ANKMY1: variants seen among roughly 807,000 people sequenced by gnomAD.
ANKMY1 encodes ankyrin repeat and MYND domain containing 1, also known as ankyrin repeat and MYND domain-containing protein 1.
In ANKMY1, 98 loss-of-function variants were observed where a neutral mutation model predicts 102.0. The observed-to-expected ratio is 0.96, with a 90% CI of 0.82 to 1.14. The LOEUF (loss-of-function observed/expected upper bound fraction) is 1.14, where lower values mean the gene tolerates loss of function less well. Among genes scored for constraint, ANKMY1 ranks in the 50% most tolerant of loss-of-function variants. The pLI is 0.00. For missense variants in ANKMY1, 1,330 were observed against 1,347.6 expected (o/e 0.99, Z 0.20); for synonymous variants, 582 against 559.9 (o/e 1.04, Z -0.56).
intron 15 of ANKMY1, among the ~76,000 whole-genome samples, chr2:240,490,692 A>C (rs181840426): frequency 3.4e-4 from 52 of 152,270 alleles, no homozygotes; most frequent in African/African-American, 1.2e-3. Flanking sequence ...ATCTGAGAAG[A>C]TACCTGGTAT....
intron 4 of ANKMY1, among the ~76,000 whole-genome samples, chr2:240,552,518 A>G (rs2091695396): frequency 6.6e-6 from 1 of 152,232 alleles, no homozygotes; most frequent in African/African-American, 2.4e-5. Context: ...AGAACTATAT[A>G]TTAAAATGGG....
intron 3 of ANKMY1, 142 bp from the exon 4 acceptor site, chr2:240,553,199 G>T: frequency 2.0e-6 from 2 of 999,186 alleles, no homozygotes; most frequent in Non-Finnish European, 2.9e-6. Flanking sequence ...CCTGGCATGC[G>T]ACTATTAGAG....
intron 13 of ANKMY1, among the ~76,000 whole-genome samples, chr2:240,505,696 T>C (rs1478881773): frequency 6.6e-6 from 1 of 152,128 alleles, no homozygotes; most frequent in African/African-American, 2.4e-5. Flanking sequence ...TGTACTGCTT[T>C]CAACTTTTCT....
intron 15 of ANKMY1, among the ~76,000 whole-genome samples, chr2:240,498,683 T>C (rs763125475): frequency 6.6e-6 from 1 of 152,054 alleles, no homozygotes; most frequent in African/African-American, 2.4e-5. Context: ...AAATCTCATG[T>C]TGAACTGTGG....
chr2:240,520,594 C>G lies in ANKMY1; in HGVS notation c.1833-61G>C. On this transcript the variant is annotated intron_variant, in intron 8 of 17. Transcript: ENST00000401804. The surrounding 1 kb of genome is among the most constrained non-coding windows in gnomAD (Gnocchi z 4.8). ...GCAGGCACCTGCACTGCGCCCAGAACGGGGCCATGCCAGCGAGGAGGCTGG... is the reference window on the plus strand; with the variant it reads ...GCAGGCACCTGCACTGCGCCCAGAAGGGGGCCATGCCAGCGAGGAGGCTGG... 3.3e-6 allele frequency: 5 copies of G among 1,535,682 alleles called. No homozygotes were observed. The highest frequency in any genetic ancestry group is 4.4e-6 in the Non-Finnish European group (5 of 1,141,486).
rs575683192 is a variant in ANKMY1, at chr2:240,554,852, G to C, written c.336+14C>G. 1.2e-6 allele frequency: 2 copies of C among 1,613,768 alleles called. No homozygotes were observed. Among genetic ancestry groups the C allele is most frequent in the South Asian group, 2.2e-5 (2 of 91,084 alleles). On this transcript the variant is annotated intron_variant, in intron 3 of 17. Transcript: ENST00000401804. ...CCCTAGGGGAGGAGGCGGAGAAAGT[G>C]TGGAAGCAGTTACCTCGCCTGTGGG...
chr2:240,488,825 G>A (rs1232579110), intron 15 of ANKMY1, among the ~76,000 whole-genome samples: 1 of 152,124 alleles, frequency 6.6e-6, no homozygotes, highest in Non-Finnish European at 1.5e-5. Flanking sequence ...TTTGTATCCT[G>A]CAATTTTACT....
At chr2:240,487,944 T>G (rs2076241338) in intron 15 of ANKMY1, among the ~76,000 whole-genome samples, 1 of 152,216 alleles carries the variant, frequency 6.6e-6, no homozygotes, top group Non-Finnish European at 1.5e-5. Flanking sequence ...CTATGTTGAT[T>G]ATTTCTTTCA....
intron 4 of ANKMY1, among the ~76,000 whole-genome samples, chr2:240,548,983 A>C (rs2090984528): frequency 6.6e-6 from 1 of 152,164 alleles, no homozygotes; most frequent in South Asian, 2.1e-4. Context: ...CAAGCTACCA[A>C]TGACTTTCTT....
At chr2:240,521,364 C>T (rs902326486) in intron 8 of ANKMY1, among the ~76,000 whole-genome samples, 2 of 152,174 alleles carry the variant, frequency 1.3e-5, no homozygotes, top group Non-Finnish European at 2.9e-5. Flanking sequence ...GGTGCTGGCT[C>T]TCCTTGTCTG....
At chr2:240,521,098 G>A (rs1369066305) in intron 8 of ANKMY1, among the ~76,000 whole-genome samples, 9 of 152,202 alleles carry the variant, frequency 5.9e-5, no homozygotes, top group Non-Finnish European at 1.3e-4. Flanking sequence ...GGGACCAGGT[G>A]GGTGGGGGTT....
intron 8 of ANKMY1, chr2:240,522,432 C>A (rs780220616): frequency 2.0e-5 from 3 of 152,256 alleles, no homozygotes; most frequent in Non-Finnish European, 2.9e-5. Context: ...CCCCTATCTG[C>A]TCTGCACAGC....
intron 15 of ANKMY1, among the ~76,000 whole-genome samples, chr2:240,488,756 G>A (rs867556866): frequency 4.6e-5 from 7 of 151,880 alleles, no homozygotes; most frequent in East Asian, 1.9e-4. Context: ...TCCTGATTTC[G>A]GTCTTGGCTA....
At chr2:240,496,054 C>G (rs1197275708) in intron 15 of ANKMY1, among the ~76,000 whole-genome samples, 1 of 152,168 alleles carries the variant, frequency 6.6e-6, no homozygotes, top group South Asian at 2.1e-4. Context: ...CTTGACCACC[C>G]TCCAACCAAT....
At chr2:240,534,279 T>C (rs2086179121) in intron 4 of ANKMY1, among the ~76,000 whole-genome samples, 1 of 152,260 alleles carries the variant, frequency 6.6e-6, no homozygotes. Context: ...TAATGTAGCC[T>C]TGTTAATATC....
intron 15 of ANKMY1, among the ~76,000 whole-genome samples, chr2:240,491,141 T>C (rs1458398289): frequency 6.6e-6 from 1 of 151,768 alleles, no homozygotes; most frequent in Admixed American, 6.6e-5. Flanking sequence ...TTTTATCTGA[T>C]ATAAGTATAC....
chr2:240,524,142 C>T lies in ANKMY1; in HGVS notation c.1575G>A (p.Pro525=), dbSNP rs375740567. Residue 525 remains proline, a synonymous_variant, in exon 8 of 18, where the codon CCG becomes CCA. Transcript: ENST00000401804. ...CATGGCCAAGGCTGCCCTTCACCAACGGGGAGTCCCCCTTCAGAGAGCTGC... is the reference window on the plus strand; with the variant it reads ...CATGGCCAAGGCTGCCCTTCACCAATGGGGAGTCCCCCTTCAGAGAGCTGC... The part of the protein sequence containing the change: ...HRSSSLKGDS[P]LVKGSLGHVE... The T allele has an allele frequency of 6.4e-5, 103 of 1,613,954 alleles. No individual in the cohort carries two copies. The highest frequency in any genetic ancestry group is 7.4e-5 in the Non-Finnish European group (87 of 1,180,046).
chr2:240,502,054 T>C (rs980193879), intron 13 of ANKMY1, among the ~76,000 whole-genome samples: 19 of 152,182 alleles, frequency 1.2e-4, no homozygotes, highest in Non-Finnish European at 1.6e-4. Context: ...GGTGGGCAGA[T>C]GGTTGGTAAG....
intron 15 of ANKMY1, among the ~76,000 whole-genome samples, chr2:240,494,504 G>T (rs2077004794): frequency 6.6e-6 from 1 of 152,144 alleles, no homozygotes; most frequent in Non-Finnish European, 1.5e-5. Flanking sequence ...CCTACTGTGG[G>T]AGCATACCTG....
Sources: gnomAD v4.1 joint callset for allele counts (sites outside exome capture counted in the v4.1 genomes callset) on GRCh38, gnomAD v4.1.1 for gene constraint, Gnocchi (gnomAD v3.1) non-coding constraint, MANE v1.5 for transcripts, NCBI Gene and HGNC (gene_info 2026-07-23, HGNC 2026-07-21) for gene names.